Variants in PRR16 observed in about 807,000 individuals in gnomAD.
PRR16 encodes the protein protein Largen.
In PRR16, 6 loss-of-function variants were observed where a neutral mutation model predicts 18.2. The observed-to-expected ratio is 0.33, with a 90% confidence interval of 0.18 to 0.65. The LOEUF (loss-of-function observed/expected upper bound fraction) is 0.65. Ranked by LOEUF, PRR16 falls within the 30% of genes least tolerant of loss-of-function variation. PRR16 has a pLI of 0.74. For missense variants in PRR16, 412 were observed against 376.6 expected (o/e 1.09, Z -0.78); for synonymous variants, 151 against 147.8 (o/e 1.02, Z -0.16).
chr5:120,791,766 A>G, the PRR16 span, among the ~76,000 whole-genome samples: 3 of 152,124 alleles, frequency 2.0e-5, no homozygotes, highest in African/African-American at 4.8e-5. Context: ...GCTTATAACA[A>G]TTAAAAGAAT....
At chr5:120,724,251 T>C in the PRR16 span, among the ~76,000 whole-genome samples, 18 of 152,094 alleles carry the variant, frequency 1.2e-4, no homozygotes, top group African/African-American at 4.1e-4. Flanking sequence ...TTATTTTCAC[T>C]ATATTTAGTC....
At chr5:120,629,243 C>A (rs889345100) in intron 1 of PRR16, among the ~76,000 whole-genome samples, 1 of 152,002 alleles carries the variant, frequency 6.6e-6, no homozygotes, top group Non-Finnish European at 1.5e-5. Flanking sequence ...GCATATTATT[C>A]CATGGTGTAT....
chr5:120,628,277 A>G (rs2112833903), intron 1 of PRR16, among the ~76,000 whole-genome samples: 1 of 152,106 alleles, frequency 6.6e-6, no homozygotes, highest in East Asian at 1.9e-4. Flanking sequence ...GAACTATGGA[A>G]ACACTTTTCT....
Position 120,566,617 on chromosome 5 carries a change from TA to T in PRR16, c.159+101979del, listed in dbSNP as rs112492235. Among the ~76,000 whole-genome samples, 1,154 of 152,078 alleles carry T rather than the reference TA, an allele frequency of 7.6e-3. 18 individuals are homozygous for T. The highest frequency in any genetic ancestry group is 0.027 in the African/African-American group (1,104 of 41,508). On this transcript the variant is annotated intron_variant, in intron 1 of 1. Transcript: ENST00000407149. ...TTCAGAATATCAATTTATCCATGTA[TA>T]AAAAAATAAAAGGGAGAAACGGAAA...
chr5:120,501,955 CAAAAAAAAA>C (rs548770948), intron 1 of PRR16, among the ~76,000 whole-genome samples: 2 of 44,078 alleles, frequency 4.5e-5, no homozygotes, highest in African/African-American at 1.4e-4. Context: ...TACTCCGTCT[CAAAAAAAAA>C]AAAAAAAAAA....
At chr5:120,765,872 T>TAAC in the PRR16 span, among the ~76,000 whole-genome samples, 2 of 152,018 alleles carry the variant, frequency 1.3e-5, no homozygotes. Context: ...TAGCCTTTTA[T>TAAC]AACTAACTTA....
chr5:120,731,630 T>C, the PRR16 span, among the ~76,000 whole-genome samples: 1 of 152,098 alleles, frequency 6.6e-6, no homozygotes, highest in Non-Finnish European at 1.5e-5. Context: ...AGACAGAAAA[T>C]GCAAGGGGCA....
chr5:120,714,056 CTGTAA>C, the PRR16 span, among the ~76,000 whole-genome samples: 2 of 151,758 alleles, frequency 1.3e-5, no homozygotes, highest in African/African-American at 2.4e-5. Flanking sequence ...AGGAAAAATT[CTGTAA>C]TGTAATGTCT....
chr5:120,780,321 T>C, the PRR16 span, among the ~76,000 whole-genome samples: 187 of 152,330 alleles, frequency 1.2e-3, no homozygotes, highest in African/African-American at 4.4e-3. Flanking sequence ...ATTTAATTAA[T>C]ATTGCTTAAT....
the PRR16 span, among the ~76,000 whole-genome samples, chr5:120,791,434 C>T: frequency 6.6e-6 from 1 of 151,808 alleles, no homozygotes; most frequent in African/African-American, 2.4e-5. Context: ...TGCTAGAAAA[C>T]AGAAAGCTCA....
chr5:120,632,747 C>T (rs921521886), intron 1 of PRR16, among the ~76,000 whole-genome samples: 2 of 152,082 alleles, frequency 1.3e-5, no homozygotes, highest in African/African-American at 4.8e-5. Context: ...AAATTCCAAA[C>T]CTAAGAATAA....
the PRR16 span, among the ~76,000 whole-genome samples, chr5:120,734,082 A>G: frequency 2.6e-5 from 4 of 152,158 alleles, no homozygotes; most frequent in Non-Finnish European, 4.4e-5. Flanking sequence ...GTAATCTTCA[A>G]CTGAAAGGAG....
the PRR16 span, among the ~76,000 whole-genome samples, chr5:120,757,465 A>G: frequency 5.3e-5 from 8 of 151,594 alleles, no homozygotes; most frequent in African/African-American, 1.9e-4. Context: ...ATGTTTCTCC[A>G]TTTGTCTCAT....
chr5:120,589,569 T>C (rs536520622), intron 1 of PRR16, among the ~76,000 whole-genome samples: 1 of 152,194 alleles, frequency 6.6e-6, no homozygotes, highest in Non-Finnish European at 1.5e-5. Flanking sequence ...TTAATTGAAC[T>C]TACAGTTCCA....
intron 1 of PRR16, among the ~76,000 whole-genome samples, chr5:120,653,744 G>A (rs919357777): frequency 1.3e-5 from 2 of 152,048 alleles, no homozygotes; most frequent in South Asian, 2.1e-4. Flanking sequence ...TAGAAGTGAT[G>A]CATTTCTCCA....
chr5:120,538,575 T>G (rs1751803988), intron 1 of PRR16, among the ~76,000 whole-genome samples: 1 of 152,260 alleles, frequency 6.6e-6, no homozygotes, highest in Admixed American at 6.5e-5. Context: ...CAAATAAAGG[T>G]TTCTGCTGTT....
intron 1 of PRR16, among the ~76,000 whole-genome samples, chr5:120,608,990 T>C (rs1754246212): frequency 6.6e-6 from 1 of 152,174 alleles, no homozygotes; most frequent in Admixed American, 6.5e-5. Context: ...AATTAATCCT[T>C]GAAACTCTTC....
chr5:120,677,832 T>C (rs190778389), intron 1 of PRR16, among the ~76,000 whole-genome samples: 45 of 152,024 alleles, frequency 3.0e-4, no homozygotes, highest in Admixed American at 2.6e-3. Flanking sequence ...TGGAAATTTA[T>C]TTGAAGAAAA....
At chr5:120,682,111 C>T (rs1056920997) in intron 1 of PRR16, among the ~76,000 whole-genome samples, 1 of 152,178 alleles carries the variant, frequency 6.6e-6, no homozygotes, top group Admixed American at 6.5e-5. Flanking sequence ...AACTATCCAA[C>T]CTCATCTCTC....
Sources: allele counts gnomAD v4.1 joint callset (sites outside exome capture counted in the v4.1 genomes callset), GRCh38; gene constraint gnomAD v4.1.1; transcripts MANE v1.5; gene names NCBI Gene and HGNC (gene_info 2026-07-23, HGNC 2026-07-21).